Variants in NUDCD1 observed in about 807,000 individuals in gnomAD.
NUDCD1 encodes NudC domain containing 1, also known as nudC domain-containing protein 1.
A neutral mutation model predicts 67.8 loss-of-function variants in NUDCD1; 60 were observed. The ratio of observed to expected loss-of-function variants is 0.88; its 90% CI spans 0.72 to 1.10. NUDCD1 has a LOEUF of 1.10. Among genes scored for constraint, NUDCD1 ranks in the 50% least tolerant of loss-of-function variants. NUDCD1 has a pLI of 0.00. For missense variants in NUDCD1, 643 were observed against 695.0 expected, an observed-to-expected ratio of 0.93 and a Z score of 0.84; for synonymous variants, 244 against 230.8, an observed-to-expected ratio of 1.06 and a Z score of -0.52.
At chr8:109,264,733 T>G (rs1358923960) in intron 8 of NUDCD1, among the ~76,000 whole-genome samples, 2 of 152,094 alleles carry the variant, frequency 1.3e-5, no homozygotes, top group Non-Finnish European at 2.9e-5. Context: ...CTGAATATAT[T>G]TCAACTACAG....
chr8:109,278,923 A>T (rs1453274696), intron 6 of NUDCD1, among the ~76,000 whole-genome samples: 4 of 152,142 alleles, frequency 2.6e-5, no homozygotes, highest in Non-Finnish European at 5.9e-5. Context: ...TCACACCTGT[A>T]ATCCTAGCAC....
chr8:109,320,549 A>C lies in NUDCD1; in HGVS notation c.273+1760T>G, dbSNP rs554719173. On this transcript the variant is annotated intron_variant, in intron 2 of 9. Coordinates refer to ENST00000239690, the MANE Select transcript of NUDCD1 (RefSeq NM_032869.4). ...CACATTTCATATTGCTCAAACACAC[A>C]TGCTGTACAATTTGTGCAGTTAATG... 2.4e-3 allele frequency among the ~76,000 whole-genome samples: 369 copies of C among 152,276 alleles called. 2 individuals carry two copies. The highest frequency in any genetic ancestry group is 3.9e-3 in the Non-Finnish European group (266 of 68,024).
intron 3 of NUDCD1, among the ~76,000 whole-genome samples, chr8:109,295,401 A>G (rs1814820378): frequency 6.6e-6 from 1 of 152,202 alleles, no homozygotes; most frequent in African/African-American, 2.4e-5. Context: ...CCAAAACAGA[A>G]ATTGCCACAG....
intron 2 of NUDCD1, among the ~76,000 whole-genome samples, chr8:109,312,913 C>T (rs1263717973): frequency 6.6e-6 from 1 of 152,214 alleles, no homozygotes; most frequent in African/African-American, 2.4e-5. Context: ...GTCAAGGCTA[C>T]AAATATGACC....
At position 109,241,900 on chromosome 8, in the gene NUDCD1, T is replaced by G; in HGVS notation, c.*1109A>C. ...ATAAGATACATATCTTGAAATGGTATAAAAAGTAATAAAAATTTCCAGGTA... is the reference window on the plus strand; with the variant it reads ...ATAAGATACATATCTTGAAATGGTAGAAAAAGTAATAAAAATTTCCAGGTA... On this transcript the variant is annotated 3_prime_UTR_variant, in exon 10 of 10. Transcript: ENST00000239690. The G allele has an allele frequency of 2.5e-6, 1 of 392,944 alleles. No homozygotes were observed. Among genetic ancestry groups the G allele is most frequent in the Admixed American group, 4.4e-5 (1 of 22,598 alleles). The allele number at this position is 392,944 out of a possible 1,614,324, so 24.3% of individuals were successfully genotyped here.
chr8:109,303,887 C>T (rs182201244), intron 2 of NUDCD1, among the ~76,000 whole-genome samples: 5 of 152,238 alleles, frequency 3.3e-5, no homozygotes, highest in African/African-American at 7.2e-5. Context: ...ACTCTCCTTA[C>T]GATTCCCCCA....
At chr8:109,297,783 G>T (rs1814879370) in intron 2 of NUDCD1, among the ~76,000 whole-genome samples, 1 of 152,138 alleles carries the variant, frequency 6.6e-6, no homozygotes, top group Non-Finnish European at 1.5e-5. Flanking sequence ...TTTTACAAGA[G>T]AATATATTTT....
At position 109,242,388 on chromosome 8, in the gene NUDCD1, GGTTT is replaced by G. The variant is rs1813386729; in HGVS notation, c.*617_*620del. 5 of 359,726 alleles carry G rather than the reference GGTTT, an allele frequency of 1.4e-5. No individual in the cohort carries two copies. The highest frequency in any genetic ancestry group is 7.3e-4 in the Middle Eastern group (1 of 1,374). The allele number at this position is 359,726 out of a possible 1,614,324, so 22.3% of individuals were successfully genotyped here. A position where few individuals can be genotyped will look rare whatever the true frequency, so the allele number is the denominator to read the frequency against. On this transcript the variant is annotated 3_prime_UTR_variant, in exon 10 of 10. Transcript: ENST00000239690. Reference sequence around the variant, plus strand: ...GTTTTAAACCACTGAGTTTTGGTGTGGTTTGTTATGCAGTGATGGATAATGTGAA... The same window carrying G: ...GTTTTAAACCACTGAGTTTTGGTGTGGTTATGCAGTGATGGATAATGTGAA...
At chr8:109,329,346 T>C (rs1021240999) in intron 1 of NUDCD1, among the ~76,000 whole-genome samples, 1 of 152,110 alleles carries the variant, frequency 6.6e-6, no homozygotes, top group Non-Finnish European at 1.5e-5. Flanking sequence ...TGATAAAAAC[T>C]ATATGTCCGC....
At chr8:109,288,835 TTAAA>T (rs1250993074) in intron 5 of NUDCD1, among the ~76,000 whole-genome samples, 3 of 152,246 alleles carry the variant, frequency 2.0e-5, no homozygotes, top group East Asian at 3.9e-4. Context: ...AAAATCTCTG[TTAAA>T]TAAAATATAC....
chr8:109,319,762 T>C (rs941085740), intron 2 of NUDCD1, among the ~76,000 whole-genome samples: 10 of 152,218 alleles, frequency 6.6e-5, no homozygotes, highest in African/African-American at 2.2e-4. Flanking sequence ...TATGCAAAGA[T>C]GAAAAGTTTA....
At position 109,322,335 on chromosome 8, in the gene NUDCD1, T is replaced by G; in HGVS notation, c.247A>C (p.Arg83=). ...AGCATTACTGTTAAATTCATAATTC[T>G]TCCAAGGGTATCAATATAGTAGACA... is the stretch of plus-strand genomic sequence containing the variant. ...DSVYYIDTLG[R]IMNLTVMLDT... is the part of the protein sequence containing the mutation. The change falls in exon 2 of 10, where the codon AGA becomes CGA. Residue 83 remains arginine (R), a synonymous_variant. Transcript: ENST00000239690. 6.4e-7 allele frequency: 1 copy of G among 1,556,078 alleles called. No homozygotes were observed. The highest frequency in any genetic ancestry group is 8.8e-7 in the Non-Finnish European group (1 of 1,132,694).
At chr8:109,269,500 A>G (rs1012013313) in intron 8 of NUDCD1, among the ~76,000 whole-genome samples, 4 of 152,188 alleles carry the variant, frequency 2.6e-5, no homozygotes, top group African/African-American at 9.6e-5. Context: ...TTTAGTCAGT[A>G]AAATGTTGGG....
At chr8:109,309,963 G>T (rs192358187) in intron 2 of NUDCD1, among the ~76,000 whole-genome samples, 62 of 151,866 alleles carry the variant, frequency 4.1e-4, no homozygotes, top group Non-Finnish European at 6.9e-4. Context: ...ACACAACATT[G>T]CTGACAGAAA....
intron 3 of NUDCD1, among the ~76,000 whole-genome samples, chr8:109,296,124 C>T (rs936599700): frequency 1.8e-4 from 27 of 152,230 alleles, no homozygotes; most frequent in Non-Finnish European, 2.1e-4. Flanking sequence ...AAGTACTCTA[C>T]GCATATAAGA....
chr8:109,288,876 T>C (rs1814632946), intron 5 of NUDCD1, among the ~76,000 whole-genome samples: 2 of 152,166 alleles, frequency 1.3e-5, no homozygotes, highest in South Asian at 4.1e-4. Flanking sequence ...ACATCAGAAA[T>C]ATGAACAGTA....
chr8:109,307,702 G>T (rs1339190314), intron 2 of NUDCD1, among the ~76,000 whole-genome samples: 3 of 152,128 alleles, frequency 2.0e-5, no homozygotes, highest in Non-Finnish European at 2.9e-5. Flanking sequence ...TTGCAGAATG[G>T]ATAAGAATTC....
chr8:109,320,452 C>T (rs1051965957), intron 2 of NUDCD1, among the ~76,000 whole-genome samples: 1 of 152,180 alleles, frequency 6.6e-6, no homozygotes. Flanking sequence ...AGCTCACCTG[C>T]GGTCAGAGTT....
At chr8:109,272,245 T>A (rs998050737) in intron 7 of NUDCD1, among the ~76,000 whole-genome samples, 81 of 151,614 alleles carry the variant, frequency 5.3e-4, no homozygotes, top group African/African-American at 1.8e-3. Flanking sequence ...AAATATAAAA[T>A]GTAAGACAAC....
Sources: gnomAD v4.1 joint callset for allele counts (sites outside exome capture counted in the v4.1 genomes callset) on GRCh38, gnomAD v4.1.1 for gene constraint, MANE v1.5 for transcripts, NCBI Gene and HGNC (gene_info 2026-07-23, HGNC 2026-07-21) for gene names.